WWP1: variants seen among roughly 807,000 people sequenced by gnomAD.
WWP1 encodes the protein NEDD4-like E3 ubiquitin-protein ligase WWP1.
WWP1 carries 49 observed loss-of-function variants against 130.6 expected under a neutral mutation model. That is an observed-to-expected ratio of 0.38 (90% CI 0.30 to 0.48). The LOEUF (loss-of-function observed/expected upper bound fraction) is 0.48. Among genes scored for constraint, WWP1 ranks in the 20% least tolerant of loss-of-function variants. The pLI is 0.99. For synonymous variants in WWP1, 332 were observed against 367.8 expected, an observed-to-expected ratio of 0.90 and a Z score of 1.11; for missense variants, 809 against 1,100.6, an observed-to-expected ratio of 0.74 and a Z score of 3.75.
At chr8:86,395,483 C>A (rs114724609) in intron 5 of WWP1, among the ~76,000 whole-genome samples, 412 of 127,662 alleles carry the variant, frequency 3.2e-3, no homozygotes, top group African/African-American at 9.8e-3. Context: ...TTCATACTGT[C>A]CCAAACAAGA....
chr8:86,407,529 C>A (rs1808347502), intron 8 of WWP1, among the ~76,000 whole-genome samples: 1 of 152,092 alleles, frequency 6.6e-6, no homozygotes, highest in Non-Finnish European at 1.5e-5. Context: ...TGACCAAATG[C>A]ATTTACAGAC....
At chr8:86,414,821 A>C (rs1178421125) in intron 9 of WWP1, among the ~76,000 whole-genome samples, 1 of 148,616 alleles carries the variant, frequency 6.7e-6, no homozygotes, top group African/African-American at 2.4e-5. Context: ...ATCAGTGAAA[A>C]ATTGGACAGT....
chr8:86,459,999 A>T (rs1811672528), intron 22 of WWP1, among the ~76,000 whole-genome samples: 1 of 152,246 alleles, frequency 6.6e-6, no homozygotes, highest in African/African-American at 2.4e-5. Flanking sequence ...ATTTTGTCTT[A>T]TCCTTAGCTA....
intron 8 of WWP1, among the ~76,000 whole-genome samples, chr8:86,409,469 C>T (rs939602096): frequency 1.3e-5 from 2 of 149,822 alleles, no homozygotes; most frequent in Non-Finnish European, 3.0e-5. Flanking sequence ...CTCCTGACCT[C>T]GTGATCCACC....
chr8:86,353,799 ATC>A lies in WWP1; in HGVS notation c.-115+10871_-115+10872del, dbSNP rs1823095256. Among the ~76,000 whole-genome samples, 3 of 152,252 alleles carry A rather than the reference ATC, an allele frequency of 2.0e-5. No individual in the cohort carries two copies. In the South Asian group the frequency reaches 6.2e-4, roughly 32 times the overall value. ...CACCTGGCCATGAGAAGCCTATTGTATCTGTTTGTTTTCACTGTCTCTTTGAG... is the reference window on the plus strand; with the variant it reads ...CACCTGGCCATGAGAAGCCTATTGTATGTTTGTTTTCACTGTCTCTTTGAG... On this transcript the variant is annotated intron_variant, in intron 1 of 24. Transcript: ENST00000517970.
chr8:86,403,483 T>G (rs887600447), intron 8 of WWP1, among the ~76,000 whole-genome samples: 5 of 151,888 alleles, frequency 3.3e-5, no homozygotes, highest in Admixed American at 6.6e-5. Flanking sequence ...TTAGTAGAGA[T>G]AGGGTTTCAC....
chr8:86,411,714 G>A lies in WWP1; in HGVS notation c.901G>A (p.Ala301Thr), dbSNP rs759549299. 58 of 1,614,042 alleles carry A rather than the reference G, an allele frequency of 3.6e-5. No individual in the cohort carries two copies. Among genetic ancestry groups the A allele is most frequent in the Non-Finnish European group, 4.9e-5 (58 of 1,180,040 alleles). Residue 301 changes from alanine (A) to threonine (T), a missense_variant, in exon 9 of 25, where the codon GCA becomes ACA. By Grantham distance (58) the Ala-to-Thr change is moderately conservative. This residue lies in a region of WWP1 where 97 missense variants were observed against 80.4 expected (regional missense o/e 1.21). Coordinates refer to ENST00000517970, the MANE Select transcript of WWP1 (RefSeq NM_007013.4). ...CAATGAATGTATTCCTTCTACCAGTGCAGAATTGGAATCTGAAGCTAGAAG... is the reference window on the plus strand; with the variant it reads ...CAATGAATGTATTCCTTCTACCAGTACAGAATTGGAATCTGAAGCTAGAAG... ...ENNECIPSTS[A>T]ELESEARSIL...
rs539846992 is a variant in WWP1 at position 86,359,490 on chromosome 8, C to T, written c.-114-9449C>T. ...GGGAATTTTGTCTATTCTCATTGACCATTGTATTCCCAGTGCCCCAAAGAG... is the reference window on the plus strand; with the variant it reads ...GGGAATTTTGTCTATTCTCATTGACTATTGTATTCCCAGTGCCCCAAAGAG... On this transcript the variant is annotated intron_variant, in intron 1 of 24. Coordinates refer to ENST00000517970, the MANE Select transcript of WWP1 (RefSeq NM_007013.4). Among the ~76,000 whole-genome samples the T allele has an allele frequency of 3.5e-4, 53 of 152,140 alleles. No individual in the cohort carries two copies. In the South Asian group the frequency reaches 0.01, roughly 30 times the overall value.
intron 9 of WWP1, among the ~76,000 whole-genome samples, chr8:86,420,105 G>A (rs987585228): frequency 1.4e-4 from 21 of 152,174 alleles, no homozygotes; most frequent in Non-Finnish European, 1.5e-5. Context: ...AAACTGGGTA[G>A]TGAAAGTAAA....
chr8:86,363,537 C>G (rs1009603905), intron 1 of WWP1, among the ~76,000 whole-genome samples: 3 of 151,970 alleles, frequency 2.0e-5, no homozygotes, highest in Non-Finnish European at 4.4e-5. Flanking sequence ...CATGGTGGCT[C>G]ACTCCTGTAA....
chr8:86,420,381 A>AT (rs1029919502), intron 9 of WWP1, among the ~76,000 whole-genome samples: 58 of 152,296 alleles, frequency 3.8e-4, no homozygotes, highest in African/African-American at 1.3e-3. Flanking sequence ...AGCTAATAGT[A>AT]TTTTTTAAAA....
intron 18 of WWP1, among the ~76,000 whole-genome samples, chr8:86,443,083 A>G (rs1586474723): frequency 6.6e-6 from 1 of 152,220 alleles, no homozygotes; most frequent in South Asian, 2.1e-4. Flanking sequence ...AAAAATTTTA[A>G]TTCTTTTGAG....
chr8:86,374,664 T>G (rs1824527943), intron 3 of WWP1, among the ~76,000 whole-genome samples: 1 of 152,222 alleles, frequency 6.6e-6, no homozygotes, highest in South Asian at 2.1e-4. Context: ...AGTACCATTT[T>G]CTACTAAAAG....
At chr8:86,379,908 ATTG>A (rs1292899428) in intron 3 of WWP1, among the ~76,000 whole-genome samples, 1 of 152,164 alleles carries the variant, frequency 6.6e-6, no homozygotes, top group African/African-American at 2.4e-5. Flanking sequence ...ATCAGTGTAT[ATTG>A]TTGATAGGAA....
At chr8:86,352,048 T>C (rs1586235977) in intron 1 of WWP1, among the ~76,000 whole-genome samples, 1 of 150,698 alleles carries the variant, frequency 6.6e-6, no homozygotes, top group Admixed American at 6.6e-5. Flanking sequence ...CCTTTTTTTT[T>C]TTTTTTTTTG....
chr8:86,343,685 A>G (rs1283188380), intron 1 of WWP1, among the ~76,000 whole-genome samples: 5 of 152,124 alleles, frequency 3.3e-5, no homozygotes, highest in Non-Finnish European at 5.9e-5. Context: ...TGAAACCTTC[A>G]TTACCAAAGA....
At position 86,423,876 on chromosome 8, in the gene WWP1, C is replaced by T. The variant is rs867062724; in HGVS notation, c.1062-1347C>T. ...AGGCGCCCCCCACCTCCCTCCCGGA[C>T]GGGGCGGCTGGCCGGGCGGGGGCTG... On this transcript the variant is annotated intron_variant, in intron 9 of 24. Coordinates refer to ENST00000517970, the MANE Select transcript of WWP1 (RefSeq NM_007013.4). 1.8e-3 allele frequency among the ~76,000 whole-genome samples: 243 copies of T among 135,538 alleles called. 2 individuals carry two copies. The highest frequency in any genetic ancestry group is 7.7e-3 in the East Asian group (32 of 4,140). The allele number at this position is 135,538 out of a possible 152,430, so 88.9% of individuals were successfully genotyped here. A position where few individuals can be genotyped will look rare whatever the true frequency, so the allele number is the denominator to read the frequency against.
chr8:86,380,013 G>A lies in WWP1; in HGVS notation c.71-713G>A, dbSNP rs1167963411. Among the ~76,000 whole-genome samples the A allele has an allele frequency of 2.6e-5, 4 of 152,126 alleles. No individual in the cohort carries two copies. The East Asian group carries it at 7.7e-4, about 29-fold the overall frequency. The stretch of plus-strand genomic sequence containing the variant: ...CCAGGAGTTCTACTCCAAAGTATAT[G>A]CCCAAGAGAAATGAAAACATACGTC... On this transcript the variant is annotated intron_variant, in intron 3 of 24. Transcript: ENST00000517970.
intron 21 of WWP1, among the ~76,000 whole-genome samples, chr8:86,455,963 A>G (rs565670767): frequency 6.6e-6 from 1 of 152,118 alleles, no homozygotes; most frequent in East Asian, 1.9e-4. Context: ...CCACACCTAC[A>G]TTGTCAATTG....
Sources: allele counts gnomAD v4.1 joint callset (sites outside exome capture counted in the v4.1 genomes callset), GRCh38; gene constraint gnomAD v4.1.1; regional missense constraint gnomAD v4.1.1; transcripts MANE v1.5; gene names NCBI Gene and HGNC (gene_info 2026-07-23, HGNC 2026-07-21).